Variants in PLCL2 observed in about 807,000 individuals in gnomAD.
PLCL2 encodes the protein inactive phospholipase C-like protein 2.
A neutral mutation model predicts 79.6 loss-of-function variants in PLCL2; 4 were observed. The ratio of observed to expected loss-of-function variants is 0.05; its 90% CI spans 0.02 to 0.11. PLCL2 has a LOEUF of 0.11. Among genes scored for constraint, PLCL2 ranks in the 10% least tolerant of loss-of-function variants. The pLI is 1.00. For missense variants in PLCL2, 895 were observed against 1,291.0 expected (o/e 0.69, Z 4.70); for synonymous variants, 484 against 457.7 (o/e 1.06, Z -0.73).
At chr3:17,070,686 A>G (rs987057959) in intron 5 of PLCL2, among the ~76,000 whole-genome samples, 2 of 152,112 alleles carry the variant, frequency 1.3e-5, no homozygotes, top group African/African-American at 2.4e-5. Context: ...ATTTAGGTCT[A>G]AGTTGAGCTA....
chr3:16,943,613 C>T (rs904085686), intron 1 of PLCL2, among the ~76,000 whole-genome samples: 1 of 152,114 alleles, frequency 6.6e-6, no homozygotes, highest in African/African-American at 2.4e-5. Context: ...AGTCTATAGT[C>T]ATCTTTGTTT....
intron 1 of PLCL2, among the ~76,000 whole-genome samples, chr3:16,968,782 T>G (rs1484414076): frequency 6.6e-6 from 1 of 151,628 alleles, no homozygotes; most frequent in African/African-American, 2.4e-5. Flanking sequence ...GCCTGATTGC[T>G]CTGGCTAGGA....
chr3:16,986,094 G>T (rs915486583), intron 1 of PLCL2, among the ~76,000 whole-genome samples: 5 of 152,060 alleles, frequency 3.3e-5, no homozygotes, highest in Admixed American at 1.3e-4. Flanking sequence ...GGCACAAGGA[G>T]CTGTAGGGGG....
In PLCL2 at chr3:17,014,744, T is replaced by C; in HGVS notation, c.2851T>C (p.Ser951Pro). ...GTCATTCAAGGAGCTGTGTGGCCTCTCCTCTGTGGCCAATCTCATGCAGTG... is the reference window on the plus strand; with the variant it reads ...GTCATTCAAGGAGCTGTGTGGCCTCCCCTCTGTGGCCAATCTCATGCAGTG... ...VVSFKELCGL[S>P]SVANLMQCML... The change falls in exon 3 of 6, where the codon TCC (serine) becomes CCC (proline). Residue 951 changes from serine (S) to proline (P), a missense_variant. Transcript: ENST00000615277. 6.2e-7 allele frequency: 1 copy of C among 1,614,062 alleles called. No homozygotes were observed.
intron 1 of PLCL2, among the ~76,000 whole-genome samples, chr3:16,957,740 T>C (rs1261587818): frequency 6.6e-6 from 1 of 152,214 alleles, no homozygotes; most frequent in African/African-American, 2.4e-5. Flanking sequence ...ATATTTAGGA[T>C]AGTTAGCTCT....
intron 2 of PLCL2, among the ~76,000 whole-genome samples, chr3:17,013,427 G>C (rs1246583392): frequency 3.3e-5 from 5 of 152,180 alleles, no homozygotes; most frequent in African/African-American, 1.2e-4. Context: ...CAGTGGGAAG[G>C]GGAAACAGAC....
Position 17,031,873 on chromosome 3 carries a change from G to C in PLCL2, c.3019-11001G>C, listed in dbSNP as rs200589535. Among the ~76,000 whole-genome samples the C allele has an allele frequency of 3.1e-4, 46 of 150,320 alleles. No homozygotes were observed. The East Asian group carries it at 7.8e-3, about 25-fold the overall frequency. ...AGCTTTTCTGGATAGTTTTATAATT[G>C]CAGCAGAGTTCCTTTGCAGGGTAGT... On this transcript the variant is annotated intron_variant, in intron 3 of 5. Coordinates refer to ENST00000615277, the MANE Select transcript of PLCL2 (RefSeq NM_001144382.2).
At chr3:16,998,410 G>C (rs2064175446) in intron 1 of PLCL2, among the ~76,000 whole-genome samples, 1 of 152,128 alleles carries the variant, frequency 6.6e-6, no homozygotes, top group Non-Finnish European at 1.5e-5. Flanking sequence ...CTGTAGTATA[G>C]GAAGTCAGCA....
chr3:17,063,569 C>T lies in PLCL2; in HGVS notation c.3095-4387C>T, dbSNP rs541181116. ...CACAGGAGCCTGCACTTTAAACACA[C>T]ACCTCCAGTGATTCTGTTACTCGTT... is the stretch of plus-strand genomic sequence containing the variant. On this transcript the variant is annotated intron_variant, in intron 4 of 5. Transcript: ENST00000615277. Among the ~76,000 whole-genome samples the T allele has an allele frequency of 2.6e-5, 4 of 152,004 alleles. No individual in the cohort carries two copies. In the South Asian group the frequency reaches 8.3e-4, roughly 32 times the overall value.
intron 1 of PLCL2, among the ~76,000 whole-genome samples, chr3:16,952,360 C>CA (rs35421244): frequency 0.13 from 2,812 of 22,470 alleles, 835 homozygotes; most frequent in East Asian, 0.26. Context: ...GAACTTAAAG[C>CA]AAAAAAAAAA....
At chr3:16,904,083 G>A (rs904908154) in intron 1 of PLCL2, among the ~76,000 whole-genome samples, 2 of 152,192 alleles carry the variant, frequency 1.3e-5, no homozygotes, top group South Asian at 4.1e-4. Flanking sequence ...TGTGAAGGAG[G>A]AGCACCTAGA....
intron 1 of PLCL2, among the ~76,000 whole-genome samples, chr3:16,889,824 C>T (rs1041382415): frequency 6.6e-6 from 1 of 152,144 alleles, no homozygotes; most frequent in African/African-American, 2.4e-5. Context: ...ACTCAGTAAC[C>T]ATTTTTTAAT....
At chr3:16,958,058 T>G (rs541100327) in intron 1 of PLCL2, among the ~76,000 whole-genome samples, 1 of 152,352 alleles carries the variant, frequency 6.6e-6, no homozygotes, top group Admixed American at 6.5e-5. Context: ...TATGTGGATT[T>G]GATCCTGTCA....
intron 1 of PLCL2, among the ~76,000 whole-genome samples, chr3:16,986,883 G>C (rs2064055535): frequency 6.6e-6 from 1 of 151,980 alleles, no homozygotes; most frequent in Non-Finnish European, 1.5e-5. Context: ...GTTACATACA[G>C]CTTCTAAATA....
rs577170430 is a variant in PLCL2 at position 16,988,810 on chromosome 3, A to G, written c.328-20864A>G. Reference sequence around the variant, plus strand: ...AAATATGCTTTTCATAACATGGAGGAAAAAAAAGGTATTCATCATTTTCAT... The same window carrying G: ...AAATATGCTTTTCATAACATGGAGGGAAAAAAAGGTATTCATCATTTTCAT... On this transcript the variant is annotated intron_variant, in intron 1 of 5. Coordinates refer to ENST00000615277, the MANE Select transcript of PLCL2 (RefSeq NM_001144382.2). Among the ~76,000 whole-genome samples the G allele has an allele frequency of 4.0e-5, 6 of 151,722 alleles. No homozygotes were observed. In the South Asian group the frequency reaches 1.0e-3, roughly 26 times the overall value.
Position 17,022,464 on chromosome 3 carries a change from GTTC to G in PLCL2, c.3018+7558_3018+7560del, listed in dbSNP as rs146665746. Among the ~76,000 whole-genome samples, 574 of 152,034 alleles carry G rather than the reference GTTC, an allele frequency of 3.8e-3. 6 individuals carry two copies. Among genetic ancestry groups the G allele is most frequent in the African/African-American group, 0.013 (543 of 41,484 alleles). On this transcript the variant is annotated intron_variant, in intron 3 of 5. Transcript: ENST00000615277. Reference sequence around the variant, plus strand: ...AGGTGCCTCCTAAGTTCTTTGCTAAGTTCTTCTCTCTGTCAAGGACCCTTACAG... The same window carrying G: ...AGGTGCCTCCTAAGTTCTTTGCTAAGTTCTCTCTGTCAAGGACCCTTACAG...
intron 4 of PLCL2, among the ~76,000 whole-genome samples, chr3:17,062,512 C>G (rs2064962641): frequency 6.6e-6 from 1 of 152,216 alleles, no homozygotes; most frequent in Non-Finnish European, 1.5e-5. Context: ...CCCCCTCTGT[C>G]TTTAATAGCT....
chr3:16,914,332 G>A (rs1465464827), intron 1 of PLCL2, among the ~76,000 whole-genome samples: 1 of 152,154 alleles, frequency 6.6e-6, no homozygotes, highest in Non-Finnish European at 1.5e-5. Flanking sequence ...CAATTTAATT[G>A]TCTTAAACAC....
chr3:16,966,169 C>T (rs1348110854), intron 1 of PLCL2, among the ~76,000 whole-genome samples: 1 of 146,500 alleles, frequency 6.8e-6, no homozygotes, highest in Non-Finnish European at 1.5e-5. Flanking sequence ...ATAAATAGCT[C>T]TTATTATTTT....
Sources: allele counts gnomAD v4.1 joint callset (sites outside exome capture counted in the v4.1 genomes callset), GRCh38; gene constraint gnomAD v4.1.1; transcripts MANE v1.5; gene names NCBI Gene and HGNC (gene_info 2026-07-23, HGNC 2026-07-21).